Variants in ABCC6 observed in about 807,000 individuals in gnomAD.
ABCC6 encodes ATP-binding cassette sub-family C member 6.
Under a neutral mutation model 169.5 loss-of-function variants are expected in ABCC6, and 126 were observed. That is an observed-to-expected ratio of 0.74 (90% CI 0.64 to 0.86). The LOEUF is 0.86. Among genes scored for constraint, ABCC6 ranks in the 40% least tolerant of loss-of-function variants. The pLI, the probability that ABCC6 is intolerant of heterozygous loss-of-function variation, is 0.00. For synonymous variants in ABCC6, 752 were observed against 814.7 expected (o/e 0.92, Z 1.31); for missense variants, 1,733 against 1,927.2 (o/e 0.90, Z 1.89).
chr16:16,162,118 GCCTCC>G (rs1567474832), intron 24 of ABCC6, among the ~76,000 whole-genome samples: 1 of 152,108 alleles, frequency 6.6e-6, no homozygotes, highest in East Asian at 1.9e-4. Context: ...GTTTCCTGAG[GCCTCC>G]CCAGCCACGT....
At chr16:16,150,910 G>GGGTCTGT (rs2046369355) in intron 29 of ABCC6, 138 bp from the exon 30 acceptor site, 1 of 1,499,018 alleles carries the variant, frequency 6.7e-7, no homozygotes, top group African/African-American at 1.4e-5. Context: ...ATGGGGTCTG[G>GGGTCTGT]GGTCTGTGGT....
At chr16:16,203,724 G>T in intron 7 of ABCC6, 111 bp from the exon 8 acceptor site, 1 of 1,167,898 alleles carries the variant, frequency 8.6e-7, no homozygotes. Context: ...GGGTGGGTGT[G>T]GATCTAGCCT....
intron 9 of ABCC6, among the ~76,000 whole-genome samples, chr16:16,201,125 C>T (rs1313914368): frequency 6.6e-6 from 1 of 152,202 alleles, no homozygotes; most frequent in African/African-American, 2.4e-5. Context: ...TGCCACCATG[C>T]CTGGCTAATT....
chr16:16,221,317 A>G (rs2049063157), intron 2 of ABCC6: 1 of 1,384,648 alleles, frequency 7.2e-7, no homozygotes, highest in Non-Finnish European at 9.4e-7. Flanking sequence ...GTTCATCCTA[A>G]TGTGGCTCTA....
chr16:16,166,085 C>T (rs1192067149), intron 22 of ABCC6, 152 bp from the exon 23 acceptor site: 1 of 774,784 alleles, frequency 1.3e-6, no homozygotes, highest in Non-Finnish European at 2.1e-6. Flanking sequence ...GGGTCTCACT[C>T]TGTCACCCAT....
chr16:16,171,654 G>T (rs77093448), intron 21 of ABCC6, among the ~76,000 whole-genome samples: 1 of 152,128 alleles, frequency 6.6e-6, no homozygotes, highest in East Asian at 1.9e-4. Context: ...AGATGCATAG[G>T]TGAGGGAATG....
chr16:16,221,858 G>A, intron 1 of ABCC6, 27 bp from the exon 2 acceptor site: 1 of 1,612,488 alleles, frequency 6.2e-7, no homozygotes, highest in Non-Finnish European at 8.5e-7. Context: ...AGGACCCTTA[G>A]GATGGTACAA....
chr16:16,151,222 C>T lies in ABCC6; in HGVS notation c.4209-450G>A, dbSNP rs117764794. Among the ~76,000 whole-genome samples, 4 of 152,242 alleles carry T rather than the reference C, an allele frequency of 2.6e-5. No homozygotes were observed. In the East Asian group the frequency reaches 5.8e-4, roughly 22 times the overall value. ...GGAATTACAGTCATGCGCCACCATG[C>T]CTGGCTTTTGTATTTTTAAAGTAGA... On this transcript the variant is annotated intron_variant, in intron 29 of 30. Transcript: ENST00000205557.
In ABCC6 at chr16:16,150,190, C is replaced by G; in HGVS notation, c.4455G>C (p.Gln1485His). 2.5e-6 allele frequency: 4 copies of G among 1,613,600 alleles called. No individual in the cohort carries two copies. The highest frequency in any genetic ancestry group is 8.5e-7 in the Non-Finnish European group (1 of 1,180,018). The change falls in exon 31 of 31, where the codon CAG becomes CAC. Residue 1485 changes from glutamine to histidine, a missense_variant. By Grantham distance (24) the Gln-to-His change is conservative. Coordinates refer to ENST00000205557, the MANE Select transcript of ABCC6 (RefSeq NM_001171.6). ...AAAACAGGCCCTTCTGGGCCAGCAGCTGGGCCGGGCTGCCGCTCTCTGCCA... is the reference window on the plus strand; with the variant it reads ...AAAACAGGCCCTTCTGGGCCAGCAGGTGGGCCGGGCTGCCGCTCTCTGCCA... ...GQVAESGSPAQLLAQKGLFYR... is the reference protein window; with the variant it reads ...GQVAESGSPAHLLAQKGLFYR...
At chr16:16,201,152 A>G (rs2048224455) in intron 9 of ABCC6, among the ~76,000 whole-genome samples, 1 of 152,042 alleles carries the variant, frequency 6.6e-6, no homozygotes, top group Admixed American at 6.6e-5. Context: ...TTTTTAGTAG[A>G]GATGGGGTTT....
intron 12 of ABCC6, among the ~76,000 whole-genome samples, chr16:16,189,340 G>C (rs1380231391): frequency 2.0e-5 from 3 of 151,980 alleles, no homozygotes; most frequent in Non-Finnish European, 4.4e-5. Context: ...TGTGATTCTA[G>C]AGTCCCTTGG....
intron 4 of ABCC6, among the ~76,000 whole-genome samples, chr16:16,216,064 T>G (rs2048861138): frequency 6.6e-6 from 1 of 152,126 alleles, no homozygotes; most frequent in African/African-American, 2.4e-5. Context: ...AGATTACAGA[T>G]GTGTGCCAGC....
intron 5 of ABCC6, among the ~76,000 whole-genome samples, chr16:16,213,987 G>A (rs1040352086): frequency 3.6e-4 from 54 of 148,730 alleles, no homozygotes; most frequent in African/African-American, 9.9e-4. Flanking sequence ...CTAGGGCATA[G>A]CGGGGTTTGG....
chr16:16,221,634 A>G lies in ABCC6; in HGVS notation c.219+15T>C. On this transcript the variant is annotated intron_variant, in intron 2 of 30. Transcript: ENST00000205557. ...GAACATTGCCTGGTTCCAGGCTCCC[A>G]GGGATGGCAGCTACCATCTTGGCTT... 1 of 1,613,614 alleles carries G rather than the reference A, an allele frequency of 6.2e-7. No individual in the cohort carries two copies. Among genetic ancestry groups the G allele is most frequent in the Non-Finnish European group, 8.5e-7 (1 of 1,179,738 alleles).
At chr16:16,163,376 T>C (rs963459296) in intron 23 of ABCC6, among the ~76,000 whole-genome samples, 184 bp from the exon 24 acceptor site, 2 of 152,196 alleles carry the variant, frequency 1.3e-5, no homozygotes, top group East Asian at 1.9e-4. Flanking sequence ...CAGAGTTCTA[T>C]GGTTTTTTTG....
In ABCC6 at chr16:16,190,298, T is replaced by A. The variant is rs772952563; in HGVS notation, c.1501A>T (p.Ile501Phe). The part of the protein sequence containing the change: ...TSSILRNSKT[I>F]KFHGWEGAFL... ...GCTCCCTCCCAGCCATGGAACTTGA[T>A]GGTCTTCGAGTTCCTGAGGATAGAG... The change falls in exon 12 of 31, where the codon ATC (isoleucine) becomes TTC (phenylalanine). Residue 501 changes from isoleucine to phenylalanine, a missense_variant. By Grantham distance (21) the Ile-to-Phe change is conservative. Coordinates refer to ENST00000205557, the MANE Select transcript of ABCC6 (RefSeq NM_001171.6). 5.0e-6 allele frequency: 8 copies of A among 1,614,186 alleles called. No individual in the cohort carries two copies. The highest frequency in any genetic ancestry group is 1.7e-5 in the Admixed American group (1 of 60,010).
At chr16:16,155,440 A>C (rs1287032711) in intron 27 of ABCC6, 10 of 250,982 alleles carry the variant, frequency 4.0e-5, no homozygotes, top group Admixed American at 5.0e-5. Flanking sequence ...TCCATCCTCA[A>C]TCCCATCCCT....
chr16:16,185,635 A>G (rs1435595467), intron 14 of ABCC6, among the ~76,000 whole-genome samples: 1 of 152,082 alleles, frequency 6.6e-6, no homozygotes, highest in Non-Finnish European at 1.5e-5. Context: ...AAATACAAAA[A>G]TTAGCCAGGC....
Position 16,184,983 on chromosome 16 carries a change from T to C in ABCC6, c.1919A>G (p.Gln640Arg). The C allele has an allele frequency of 1.2e-6, 2 of 1,613,818 alleles. No homozygotes were observed. Among genetic ancestry groups the C allele is most frequent in the Non-Finnish European group, 1.7e-6 (2 of 1,179,716 alleles). Residue 640 changes from glutamine to arginine, a missense_variant, in exon 15 of 31, where the codon CAG becomes CGG. This residue lies in a region of ABCC6 where 1,601 missense variants were observed against 1,635.5 expected (regional missense o/e 0.98). Coordinates refer to ENST00000205557, the MANE Select transcript of ABCC6 (RefSeq NM_001171.6). ...CCTGTGGAGGCAGGGAGGGCTTTCC[T>C]GGGACCAGGCGAAGGTGGCACTGTG... ...TIHSATFAWS[Q>R]ESPPCLHRIN...
Sources: gnomAD v4.1 joint callset for allele counts (sites outside exome capture counted in the v4.1 genomes callset) on GRCh38, gnomAD v4.1.1 for gene constraint, gnomAD v4.1.1 regional missense constraint, MANE v1.5 for transcripts, NCBI Gene and HGNC (gene_info 2026-07-23, HGNC 2026-07-21) for gene names.